The following GRIA1 variants were observed in gnomAD, a reference collection of about 807,000 sequenced individuals.
The protein encoded by GRIA1 is glutamate ionotropic receptor AMPA type subunit 1.
Under a neutral mutation model 99.2 loss-of-function variants are expected in GRIA1, and 31 were observed. That is an observed-to-expected ratio of 0.31 (90% CI 0.23 to 0.42). The LOEUF is 0.42. Ranked by LOEUF, GRIA1 falls within the 10% of genes least tolerant of loss-of-function variation. GRIA1 has a pLI of 1.00. For missense variants in GRIA1, 782 were observed against 1,157.5 expected (o/e 0.68, Z 4.71); for synonymous variants, 438 against 432.4 (o/e 1.01, Z -0.16).
chr5:153,762,062 G>C (rs1581613189), intron 11 of GRIA1, among the ~76,000 whole-genome samples: 1 of 152,180 alleles, frequency 6.6e-6, no homozygotes, highest in Admixed American at 6.5e-5. Context: ...AGGTGCAAAG[G>C]CACAGTTAGA....
At chr5:153,725,985 T>TA in intron 11 of GRIA1, among the ~76,000 whole-genome samples, 1 of 144,986 alleles carries the variant, frequency 6.9e-6, no homozygotes, top group South Asian at 2.5e-4. Context: ...ACCACATAGT[T>TA]GGAAGTAAAG....
intron 11 of GRIA1, among the ~76,000 whole-genome samples, chr5:153,741,270 G>A (rs1404277224): frequency 1.3e-5 from 2 of 152,044 alleles, no homozygotes; most frequent in African/African-American, 2.4e-5. Flanking sequence ...CACCGCTCCC[G>A]GCCAGAAATT....
chr5:153,561,552 T>C (rs1447321528), intron 2 of GRIA1, among the ~76,000 whole-genome samples: 1 of 152,198 alleles, frequency 6.6e-6, no homozygotes, highest in African/African-American at 2.4e-5. Context: ...TGCTAGTTAC[T>C]ATATGGGAAC....
rs1758333361 is a variant in GRIA1, at chr5:153,699,225, A to G, written c.1452+152A>G. The G allele has an allele frequency of 7.7e-6, 5 of 651,988 alleles. No homozygotes were observed. In the East Asian group the frequency reaches 1.4e-4, roughly 18 times the overall value. The allele number at this position is 651,988 out of a possible 1,614,324, so 40.4% of individuals were successfully genotyped here. A position where few individuals can be genotyped will look rare whatever the true frequency, so the allele number is the denominator to read the frequency against. On this transcript the variant is annotated intron_variant, in intron 10 of 15. Transcript: ENST00000285900. ...GAACAGATGAGTCATCCAAAATCCA[A>G]TTTCTTCAGACACTCTTTGTTCAGG... is the stretch of plus-strand genomic sequence containing the variant.
chr5:153,555,975 C>T (rs1760603439), intron 2 of GRIA1, among the ~76,000 whole-genome samples: 1 of 152,178 alleles, frequency 6.6e-6, no homozygotes, highest in Non-Finnish European at 1.5e-5. Flanking sequence ...GCAGGCACTG[C>T]CATTCATTAA....
intron 5 of GRIA1, among the ~76,000 whole-genome samples, chr5:153,664,068 G>T (rs1015612489): frequency 8.5e-5 from 13 of 152,168 alleles, no homozygotes; most frequent in Admixed American, 5.9e-4. Flanking sequence ...ACTAATTTTG[G>T]CAGATGGTTG....
intron 11 of GRIA1, among the ~76,000 whole-genome samples, chr5:153,760,313 A>G (rs1763096934): frequency 1.3e-5 from 2 of 152,024 alleles, no homozygotes; most frequent in African/African-American, 4.8e-5. Flanking sequence ...CCCTCCAAAA[A>G]GCTAATAGAA....
At chr5:153,716,195 C>T (rs1759656799) in intron 11 of GRIA1, among the ~76,000 whole-genome samples, 1 of 152,232 alleles carries the variant, frequency 6.6e-6, no homozygotes, top group Non-Finnish European at 1.5e-5. Context: ...TTCTTGAAAA[C>T]TCTGCCTGGT....
chr5:153,631,079 T>TG (rs1752926181), intron 2 of GRIA1, among the ~76,000 whole-genome samples: 1 of 152,212 alleles, frequency 6.6e-6, no homozygotes, highest in Non-Finnish European at 1.5e-5. Flanking sequence ...TACTTGACAT[T>TG]GATTGAACCT....
chr5:153,533,220 G>A (rs10477081), intron 2 of GRIA1, among the ~76,000 whole-genome samples: 25,286 of 152,116 alleles, frequency 0.17, 2,479 homozygotes, highest in African/African-American at 0.27. Flanking sequence ...GGCAAGTATC[G>A]TGAATGGAGG....
rs148743595 is a variant in GRIA1, at chr5:153,686,211, G to T, written c.1030-14G>T. ...ATCTGAGTTCACTGCCCACCACTTG[G>T]TTTTGTTTTCCAGGTGCGATTTGAA... On this transcript the variant is annotated splice_polypyrimidine_tract_variant and intron_variant, in intron 7 of 15. Transcript: ENST00000285900. 8 of 1,604,732 alleles carry T rather than the reference G, an allele frequency of 5.0e-6. No homozygotes were observed. The highest frequency in any genetic ancestry group is 2.2e-5 in the East Asian group (1 of 44,826).
intron 2 of GRIA1, among the ~76,000 whole-genome samples, chr5:153,552,546 G>A (rs749712554): frequency 2.6e-5 from 4 of 152,080 alleles, no homozygotes; most frequent in African/African-American, 9.7e-5. Flanking sequence ...TAACCAGGCT[G>A]CATCCAGTAC....
chr5:153,627,001 A>G (rs1767694191), intron 2 of GRIA1, among the ~76,000 whole-genome samples: 1 of 152,124 alleles, frequency 6.6e-6, no homozygotes, highest in African/African-American at 2.4e-5. Context: ...CTAAAAATGC[A>G]TGAGTTATTT....
Position 153,812,327 on chromosome 5 carries a change from A to G in GRIA1, c.*1102A>G, listed in dbSNP as rs1411645186. 6.6e-6 allele frequency: 1 copy of G among 152,186 alleles called. No homozygotes were observed. Among genetic ancestry groups the G allele is most frequent in the Non-Finnish European group, 1.5e-5 (1 of 68,026 alleles). The allele number at this position is 152,186 out of a possible 1,614,324, so 9.4% of individuals were successfully genotyped here. ...AAAAGTGACAGAATAATTTTGGAAG[A>G]GGAAGCCTCATCAAAAGCTCACACA... On this transcript the variant is annotated 3_prime_UTR_variant, in exon 16 of 16. Transcript: ENST00000285900.
intron 2 of GRIA1, among the ~76,000 whole-genome samples, chr5:153,614,860 A>G (rs1482508357): frequency 6.6e-6 from 1 of 152,218 alleles, no homozygotes; most frequent in Admixed American, 6.5e-5. Context: ...TGAAGTGGAA[A>G]TTATTATTTT....
At chr5:153,783,863 A>G (rs1268234276) in intron 13 of GRIA1, among the ~76,000 whole-genome samples, 1 of 152,188 alleles carries the variant, frequency 6.6e-6, no homozygotes, top group Non-Finnish European at 1.5e-5. Flanking sequence ...GTGGGACCAG[A>G]AGGCTCAGTC....
intron 2 of GRIA1, among the ~76,000 whole-genome samples, chr5:153,581,700 C>T (rs566355188): frequency 2.0e-4 from 30 of 151,522 alleles, no homozygotes; most frequent in African/African-American, 4.8e-4. Context: ...TAGCACATAT[C>T]GATTTGTTTA....
intron 13 of GRIA1, among the ~76,000 whole-genome samples, chr5:153,771,541 G>A (rs1355988329): frequency 2.0e-5 from 3 of 152,160 alleles, no homozygotes; most frequent in Admixed American, 2.0e-4. Context: ...TCTTGCAGGA[G>A]AGACAGACAT....
At chr5:153,686,440 C>T in intron 8 of GRIA1, 111 bp downstream of exon 8, 1 of 702,908 alleles carries the variant, frequency 1.4e-6, no homozygotes, top group Non-Finnish European at 2.4e-6. Context: ...TTTGAAGAAA[C>T]TCAGACAACA....
Sources: allele counts gnomAD v4.1 joint callset (sites outside exome capture counted in the v4.1 genomes callset), GRCh38; gene constraint gnomAD v4.1.1; transcripts MANE v1.5; gene names NCBI Gene and HGNC (gene_info 2026-07-23, HGNC 2026-07-21).